Variants in DKK2 observed in about 807,000 individuals in gnomAD.
DKK2 encodes dickkopf Wnt signaling pathway inhibitor 2.
A neutral mutation model predicts 28.1 loss-of-function variants in DKK2; 11 were observed. The ratio of observed to expected loss-of-function variants is 0.39; its 90% confidence interval spans 0.25 to 0.65. The LOEUF is 0.65. DKK2 is among the 30% of genes least tolerant of loss of function. The pLI is 0.47. For missense variants in DKK2, 326 were observed against 335.5 expected (o/e 0.97, Z 0.22); for synonymous variants, 135 against 126.5 (o/e 1.07, Z -0.45).
chr4:106,946,262 T>A (rs943618879), intron 1 of DKK2, among the ~76,000 whole-genome samples: 1 of 152,104 alleles, frequency 6.6e-6, no homozygotes, highest in African/African-American at 2.4e-5. Flanking sequence ...ATGATTAATT[T>A]TTAGTTTTGA....
intron 1 of DKK2, among the ~76,000 whole-genome samples, chr4:107,003,600 G>A (rs1258605238): frequency 6.6e-6 from 1 of 152,148 alleles, no homozygotes; most frequent in African/African-American, 2.4e-5. Flanking sequence ...GAGATTTTTG[G>A]TCATAATTCC....
At chr4:107,024,679 T>A (rs1723745862) in intron 1 of DKK2, among the ~76,000 whole-genome samples, 3 of 152,138 alleles carry the variant, frequency 2.0e-5, no homozygotes, top group Admixed American at 2.0e-4. Context: ...GGCAAATAAG[T>A]AGTGTTTTAT....
chr4:106,989,143 G>A (rs913157200), intron 1 of DKK2, among the ~76,000 whole-genome samples: 1 of 152,110 alleles, frequency 6.6e-6, no homozygotes, highest in Admixed American at 6.5e-5. Context: ...AGAAAGAAAT[G>A]GAATGTGGTC....
chr4:106,971,752 G>A (rs1030061881), intron 1 of DKK2, among the ~76,000 whole-genome samples: 5 of 151,904 alleles, frequency 3.3e-5, no homozygotes, highest in African/African-American at 4.8e-5. Flanking sequence ...ATGCCTTGGC[G>A]GCTAATCAAC....
At chr4:107,032,758 T>A (rs936644816) in intron 1 of DKK2, among the ~76,000 whole-genome samples, 2 of 152,258 alleles carry the variant, frequency 1.3e-5, no homozygotes, top group South Asian at 2.1e-4. Context: ...GGTCTTAGGA[T>A]GATACTACAT....
chr4:107,035,425 C>T lies in DKK2; in HGVS notation c.167G>A (p.Gly56Asp), dbSNP rs1578386855. 1 of 1,614,212 alleles carries T rather than the reference C, an allele frequency of 6.2e-7. No homozygotes were observed. The highest frequency in any genetic ancestry group is 2.2e-5 in the East Asian group (1 of 44,868). The change falls in exon 1 of 4, where the codon GGC becomes GAC. Residue 56 changes from glycine to aspartate, a missense_variant. Transcript: ENST00000285311. The stretch of plus-strand genomic sequence containing the variant: ...GCCGAATGCCAGTCCTTGGTACATG[C>T]CCGCAGATCGATTGGCGGCCTGACC... ...TPGQAANRSA[G>D]MYQGLAFGGS...
At chr4:106,981,666 G>A (rs1473334134) in intron 1 of DKK2, among the ~76,000 whole-genome samples, 1 of 152,038 alleles carries the variant, frequency 6.6e-6, no homozygotes, top group East Asian at 1.9e-4. Flanking sequence ...CTCCTCTGTG[G>A]ACTTTGCCTA....
At chr4:107,023,603 C>T (rs531616489) in intron 1 of DKK2, among the ~76,000 whole-genome samples, 20 of 152,144 alleles carry the variant, frequency 1.3e-4, no homozygotes, top group African/African-American at 4.8e-4. Context: ...GAATGCACAA[C>T]ACAAAGAGTG....
chr4:107,012,035 A>AT (rs1404573050), intron 1 of DKK2, among the ~76,000 whole-genome samples: 1 of 151,326 alleles, frequency 6.6e-6, no homozygotes, highest in African/African-American at 2.4e-5. Flanking sequence ...CATTACCTTT[A>AT]TAACAGGAAG....
At chr4:106,984,494 C>T (rs566030948) in intron 1 of DKK2, among the ~76,000 whole-genome samples, 2 of 152,278 alleles carry the variant, frequency 1.3e-5, no homozygotes, top group Admixed American at 1.3e-4. Context: ...CAAGGTTAGT[C>T]CATGCTGTAG....
At chr4:107,026,382 A>G (rs1237557421) in intron 1 of DKK2, among the ~76,000 whole-genome samples, 2 of 152,204 alleles carry the variant, frequency 1.3e-5, no homozygotes, top group Admixed American at 1.3e-4. Flanking sequence ...TTAGTACATA[A>G]TTCAAGATAT....
intron 1 of DKK2, among the ~76,000 whole-genome samples, chr4:106,959,401 C>G (rs1722653855): frequency 6.6e-6 from 1 of 152,056 alleles, no homozygotes; most frequent in South Asian, 2.1e-4. Context: ...TGTACTCAAC[C>G]CAAGGAAATT....
intron 1 of DKK2, among the ~76,000 whole-genome samples, chr4:107,002,631 G>A (rs532668577): frequency 6.6e-6 from 1 of 152,248 alleles, no homozygotes; most frequent in South Asian, 2.1e-4. Flanking sequence ...CTGAACAAAT[G>A]TTGAGTCAAA....
chr4:106,922,016 A>G lies in DKK2; in HGVS notation c.*1938T>C, dbSNP rs1380436261. The G allele has an allele frequency of 6.6e-6, 1 of 152,634 alleles. No homozygotes were observed. Among genetic ancestry groups the G allele is most frequent in the Non-Finnish European group, 1.5e-5 (1 of 68,020 alleles). The allele number at this position is 152,634 out of a possible 1,614,324, so 9.5% of individuals were successfully genotyped here. A position where few individuals can be genotyped will look rare whatever the true frequency, so the allele number is the denominator to read the frequency against. ...ACATAAGAAAAATATTGCAGAAACC[A>G]AATTGTAAATATAATAATTGTTATA... On this transcript the variant is annotated 3_prime_UTR_variant, in exon 4 of 4. Coordinates refer to ENST00000285311, the MANE Select transcript of DKK2 (RefSeq NM_014421.3).
chr4:106,967,922 GA>G (rs1303067641), intron 1 of DKK2, among the ~76,000 whole-genome samples: 16 of 148,782 alleles, frequency 1.1e-4, no homozygotes, highest in African/African-American at 3.3e-4. Flanking sequence ...GGGATGGAGA[GA>G]GGGGTGGAAG....
intron 1 of DKK2, among the ~76,000 whole-genome samples, chr4:107,003,343 G>T (rs1168954548): frequency 6.6e-6 from 1 of 152,210 alleles, no homozygotes; most frequent in East Asian, 1.9e-4. Flanking sequence ...CCTCCACCAA[G>T]TTTCCTGTGG....
At chr4:106,964,271 C>T (rs528250711) in intron 1 of DKK2, among the ~76,000 whole-genome samples, 22 of 152,258 alleles carry the variant, frequency 1.4e-4, no homozygotes, top group Non-Finnish European at 2.6e-4. Flanking sequence ...ACAAATATTA[C>T]ATCTTCTTAC....
In DKK2 at chr4:107,029,914, T is replaced by C. The variant is rs187846392; in HGVS notation, c.222+5456A>G. On this transcript the variant is annotated intron_variant, in intron 1 of 3. Coordinates refer to ENST00000285311, the MANE Select transcript of DKK2 (RefSeq NM_014421.3). Reference sequence around the variant, plus strand: ...ACTCTGTGGAAAAAGATAAGTAACATTTTTTTAAAAATTGACTACTTTTGT... The same window carrying C: ...ACTCTGTGGAAAAAGATAAGTAACACTTTTTTAAAAATTGACTACTTTTGT... Among the ~76,000 whole-genome samples the C allele has an allele frequency of 7.0e-3, 1,050 of 150,476 alleles. 6 individuals carry two copies. The highest frequency in any genetic ancestry group is 9.9e-3 in the Non-Finnish European group (662 of 66,966).
rs980983094 is a variant in DKK2 at position 106,923,791 on chromosome 4, A to G, written c.*163T>C. On this transcript the variant is annotated 3_prime_UTR_variant, in exon 4 of 4. Coordinates refer to ENST00000285311, the MANE Select transcript of DKK2 (RefSeq NM_014421.3). ...CTGCATTTGTCACCCATTCTAATCTATTCAGTTCATGTTTTCTTTCTCCCT... is the reference window on the plus strand; with the variant it reads ...CTGCATTTGTCACCCATTCTAATCTGTTCAGTTCATGTTTTCTTTCTCCCT... 3.2e-6 allele frequency: 3 copies of G among 936,074 alleles called. No homozygotes were observed. The highest frequency in any genetic ancestry group is 4.7e-6 in the Non-Finnish European group (3 of 639,700). The allele number at this position is 936,074 out of a possible 1,614,324, so 58.0% of individuals were successfully genotyped here. A position where few individuals can be genotyped will look rare whatever the true frequency, so the allele number is the denominator to read the frequency against.
Sources: allele counts gnomAD v4.1 joint callset (sites outside exome capture counted in the v4.1 genomes callset), GRCh38; gene constraint gnomAD v4.1.1; transcripts MANE v1.5; gene names NCBI Gene and HGNC (gene_info 2026-07-23, HGNC 2026-07-21).